Variants in FNIP1 observed in about 807,000 individuals in gnomAD.
The protein encoded by FNIP1 is folliculin-interacting protein 1.
A neutral mutation model predicts 124.5 loss-of-function variants in FNIP1; 40 were observed. The ratio of observed to expected loss-of-function variants is 0.32; its 90% CI spans 0.25 to 0.42. The LOEUF (loss-of-function observed/expected upper bound fraction) is 0.42. Ranked by LOEUF, FNIP1 falls within the 10% of genes least tolerant of loss-of-function variation. FNIP1 has a pLI of 1.00. For missense variants in FNIP1, 1,176 were observed against 1,403.7 expected (o/e 0.84, Z 2.59); for synonymous variants, 472 against 470.6 (o/e 1.00, Z -0.04).
intron 1 of FNIP1, among the ~76,000 whole-genome samples, chr5:131,756,997 T>A (rs577063231): frequency 3.9e-5 from 6 of 152,256 alleles, no homozygotes; most frequent in Admixed American, 3.9e-4. Flanking sequence ...AACAGTAGAT[T>A]TTCTGAGCAG....
At chr5:131,753,259 A>G (rs1180666072) in intron 1 of FNIP1, among the ~76,000 whole-genome samples, 1 of 152,358 alleles carries the variant, frequency 6.6e-6, no homozygotes, top group East Asian at 1.9e-4. Flanking sequence ...GCTATGATTC[A>G]GCAATTCCTC....
chr5:131,796,951 G>T lies in FNIP1; in HGVS notation c.-30C>A. ...GCCACGGCCAGGCAGGGGTCGCTCCGCTGGGCGCTTGCTAGGCCCCTGCTC... is the reference window on the plus strand; with the variant it reads ...GCCACGGCCAGGCAGGGGTCGCTCCTCTGGGCGCTTGCTAGGCCCCTGCTC... On this transcript the variant is annotated 5_prime_UTR_variant, in exon 1 of 18. Coordinates refer to ENST00000510461, the MANE Select transcript of FNIP1 (RefSeq NM_133372.3). 6.4e-7 allele frequency: 1 copy of T among 1,569,826 alleles called. No homozygotes were observed. Among genetic ancestry groups the T allele is most frequent in the Non-Finnish European group, 8.6e-7 (1 of 1,156,358 alleles).
intron 2 of FNIP1, among the ~76,000 whole-genome samples, chr5:131,738,586 G>A (rs1770398371): frequency 6.6e-6 from 1 of 152,028 alleles, no homozygotes; most frequent in Admixed American, 6.6e-5. Context: ...TGTAGCCACC[G>A]CCTCCTGGGA....
intron 15 of FNIP1, among the ~76,000 whole-genome samples, chr5:131,668,607 C>T (rs1439068972): frequency 6.6e-6 from 1 of 152,146 alleles, no homozygotes; most frequent in East Asian, 1.9e-4. Flanking sequence ...ATCACTTGAA[C>T]CTGGGAGGCA....
Position 131,740,232 on chromosome 5 carries a change from C to T in FNIP1, c.219+4332G>A, listed in dbSNP as rs1277081015. On this transcript the variant is annotated intron_variant, in intron 2 of 17. Transcript: ENST00000510461. Reference sequence around the variant, plus strand: ...ATTTCTATTTTAAATGAATGTCTCACTTTTATGTGTTCAAACTGGAAGCTA... The same window carrying T: ...ATTTCTATTTTAAATGAATGTCTCATTTTTATGTGTTCAAACTGGAAGCTA... Among the ~76,000 whole-genome samples the T allele has an allele frequency of 2.0e-5, 3 of 152,168 alleles. No homozygotes were observed. In the South Asian group the frequency reaches 6.2e-4, roughly 32 times the overall value.
chr5:131,693,983 T>C (rs1768604550), intron 11 of FNIP1, among the ~76,000 whole-genome samples: 1 of 152,076 alleles, frequency 6.6e-6, no homozygotes, highest in Non-Finnish European at 1.5e-5. Flanking sequence ...ATGCTCAACA[T>C]ATGTCATTGG....
At chr5:131,647,416 CTT>C (rs10625130) in intron 16 of FNIP1, among the ~76,000 whole-genome samples, 3 of 147,024 alleles carry the variant, frequency 2.0e-5, no homozygotes, top group African/African-American at 2.5e-5. Flanking sequence ...TCTACAGCGT[CTT>C]TTTTTTTTTT....
In FNIP1 at chr5:131,671,606, A is replaced by G. The variant is rs1767752440; in HGVS notation, c.2838T>C (p.Ser946=). ...TATCATGACCTGTATCTTCACTTTC[A>G]CTATCCCCAAGGGCACTGTCTGAAC... ...NESSDSALGD[S]ESEDTGHDMT... is the part of the protein sequence containing the mutation. The change falls in exon 14 of 18, where the codon AGT becomes AGC. Residue 946 remains serine, a synonymous_variant. Transcript: ENST00000510461. 6.2e-7 allele frequency: 1 copy of G among 1,613,858 alleles called. No homozygotes were observed. The highest frequency in any genetic ancestry group is 1.1e-5 in the South Asian group (1 of 91,068).
intron 6 of FNIP1, among the ~76,000 whole-genome samples, chr5:131,714,162 T>C (rs933198357): frequency 3.9e-5 from 6 of 152,224 alleles, no homozygotes; most frequent in Admixed American, 1.3e-4. Context: ...CAGGCCCATT[T>C]TGGGGAGACA....
At chr5:131,748,557 C>T (rs561097795) in intron 1 of FNIP1, among the ~76,000 whole-genome samples, 5 of 151,642 alleles carry the variant, frequency 3.3e-5, no homozygotes, top group East Asian at 1.9e-4. Flanking sequence ...ATTAGCCAGG[C>T]GTGGTGGCAT....
Position 131,718,901 on chromosome 5 carries a change from G to A in FNIP1, c.530+85C>T, listed in dbSNP as rs1769558499. 36 of 1,078,644 alleles carry A rather than the reference G, an allele frequency of 3.3e-5. No homozygotes were observed. The South Asian group carries it at 4.9e-4, about 15-fold the overall frequency. The allele number at this position is 1,078,644 out of a possible 1,614,324, so 66.8% of individuals were successfully genotyped here. On this transcript the variant is annotated intron_variant, in intron 5 of 17. Coordinates refer to ENST00000510461, the MANE Select transcript of FNIP1 (RefSeq NM_133372.3). ...GGAAAGACAGAAAATCTGAACTTGT[G>A]CTGCAGTCCTAAAAGCAGTTGGTTA... is the stretch of plus-strand genomic sequence containing the variant.
intron 11 of FNIP1, among the ~76,000 whole-genome samples, chr5:131,697,483 T>C (rs1048632083): frequency 6.6e-6 from 1 of 152,188 alleles, no homozygotes; most frequent in Non-Finnish European, 1.5e-5. Flanking sequence ...AGTTTTATTA[T>C]GGTAAAGCAT....
At chr5:131,672,981 C>A in intron 13 of FNIP1, 57 bp from the exon 14 acceptor site, 1 of 1,246,076 alleles carries the variant, frequency 8.0e-7, no homozygotes, top group Non-Finnish European at 1.1e-6. Context: ...GCTAAGTAAG[C>A]TATTTTTAAT....
chr5:131,679,812 G>A (rs1768022144), intron 11 of FNIP1, among the ~76,000 whole-genome samples: 1 of 152,192 alleles, frequency 6.6e-6, no homozygotes, highest in South Asian at 2.1e-4. Context: ...TTAGACAATA[G>A]CTAGTCCTGT....
chr5:131,793,157 G>C lies in FNIP1; in HGVS notation c.92+3673C>G, dbSNP rs550651611. 3.3e-5 allele frequency among the ~76,000 whole-genome samples: 5 copies of C among 152,098 alleles called. No individual in the cohort carries two copies. The East Asian group carries it at 9.7e-4, about 29-fold the overall frequency. ...AAGCAACCTCCCACCTCAGCATCCT[G>C]AGTAGCTAGGACTACAGGTGCATGC... On this transcript the variant is annotated intron_variant, in intron 1 of 17. Coordinates refer to ENST00000510461, the MANE Select transcript of FNIP1 (RefSeq NM_133372.3).
intron 1 of FNIP1, among the ~76,000 whole-genome samples, chr5:131,780,856 T>C (rs1771973484): frequency 6.6e-6 from 1 of 152,158 alleles, no homozygotes; most frequent in South Asian, 2.1e-4. Flanking sequence ...CCTCTAAGTG[T>C]TCCAGTGAAA....
At chr5:131,766,132 C>T (rs192528870) in intron 1 of FNIP1, among the ~76,000 whole-genome samples, 96 of 150,484 alleles carry the variant, frequency 6.4e-4, no homozygotes, top group East Asian at 6.0e-3. Context: ...TTTTGAGACA[C>T]GGTCTCACTC....
chr5:131,707,344 T>C (rs1352721086), intron 8 of FNIP1, among the ~76,000 whole-genome samples: 1 of 152,232 alleles, frequency 6.6e-6, no homozygotes, highest in Non-Finnish European at 1.5e-5. Flanking sequence ...TATTCCAGAC[T>C]TCTATCTTTC....
chr5:131,735,562 ATATTTATATATGTATACATATACACG>A (rs1275754145), intron 2 of FNIP1, among the ~76,000 whole-genome samples: 4 of 148,464 alleles, frequency 2.7e-5, no homozygotes, highest in Non-Finnish European at 4.5e-5. Context: ...ACATATACAC[ATATTTATATATGTATACATATACACG>A]TATTTATATA....
Sources: gnomAD v4.1 joint callset for allele counts (sites outside exome capture counted in the v4.1 genomes callset) on GRCh38, gnomAD v4.1.1 for gene constraint, MANE v1.5 for transcripts, NCBI Gene and HGNC (gene_info 2026-07-23, HGNC 2026-07-21) for gene names.